The following CTNNA3 variants were observed in gnomAD, a reference collection of about 807,000 sequenced individuals.
CTNNA3 encodes the protein catenin alpha-3.
A neutral mutation model predicts 95.7 loss-of-function variants in CTNNA3; 76 were observed. The observed-to-expected ratio is 0.79, with a 90% CI of 0.66 to 0.96. The LOEUF (loss-of-function observed/expected upper bound fraction) is 0.96. Ranked by LOEUF, CTNNA3 falls within the 40% of genes least tolerant of loss-of-function variation. The pLI, the probability that CTNNA3 is intolerant of heterozygous loss-of-function variation, is 0.00. For missense variants in CTNNA3, 1,191 were observed against 1,089.8 expected, an observed-to-expected ratio of 1.09 and a Z score of -1.31; for synonymous variants, 431 against 374.4, an observed-to-expected ratio of 1.15 and a Z score of -1.74.
chr10:67,327,505 C>G (rs1034250233), intron 5 of CTNNA3, among the ~76,000 whole-genome samples: 6 of 152,206 alleles, frequency 3.9e-5, no homozygotes, highest in African/African-American at 1.4e-4. Flanking sequence ...CAATGCTTAG[C>G]TCCCAACTCC....
At chr10:66,428,397 G>C (rs1448865271) in intron 11 of CTNNA3, among the ~76,000 whole-genome samples, 2 of 152,108 alleles carry the variant, frequency 1.3e-5, no homozygotes, top group South Asian at 2.1e-4. Context: ...TCTGCACCAA[G>C]CAGACCTAAT....
intron 7 of CTNNA3, among the ~76,000 whole-genome samples, chr10:66,908,223 T>C (rs748821027): frequency 9.2e-5 from 14 of 152,236 alleles, no homozygotes; most frequent in Non-Finnish European, 1.9e-4. Context: ...TGTTATGAGA[T>C]GAAAACTTTG....
At chr10:66,405,812 A>C (rs2093052794) in intron 11 of CTNNA3, among the ~76,000 whole-genome samples, 1 of 152,138 alleles carries the variant, frequency 6.6e-6, no homozygotes, top group South Asian at 2.1e-4. Flanking sequence ...ACAGATTTCA[A>C]ACTAAACCTC....
At chr10:67,647,562 T>A (rs1313935900) in intron 1 of CTNNA3, 44 bp from the exon 2 acceptor site, 3 of 1,499,802 alleles carry the variant, frequency 2.0e-6, no homozygotes, top group Non-Finnish European at 2.8e-6. Flanking sequence ...AAGAAAACTG[T>A]TTTCTAAAGA....
At chr10:67,481,410 G>A (rs1848222964) in intron 5 of CTNNA3, among the ~76,000 whole-genome samples, 1 of 152,102 alleles carries the variant, frequency 6.6e-6, no homozygotes, top group Non-Finnish European at 1.5e-5. Flanking sequence ...TCCTGAAACA[G>A]ATAAACAACT....
chr10:67,457,337 C>T (rs1589309581), intron 5 of CTNNA3, among the ~76,000 whole-genome samples: 1 of 152,070 alleles, frequency 6.6e-6, no homozygotes, highest in Admixed American at 6.6e-5. Flanking sequence ...GAGCCCAGGG[C>T]CTGCCAAGGA....
intron 7 of CTNNA3, among the ~76,000 whole-genome samples, chr10:67,117,389 T>C (rs756759657): frequency 6.6e-6 from 1 of 152,064 alleles, no homozygotes; most frequent in Non-Finnish European, 1.5e-5. Flanking sequence ...TTCCCTTTCC[T>C]GTTCCAGTTT....
intron 1 of CTNNA3, among the ~76,000 whole-genome samples, chr10:67,738,587 G>A (rs1280465487): frequency 2.0e-5 from 3 of 152,034 alleles, no homozygotes; most frequent in African/African-American, 7.2e-5. Context: ...AAGCTGGGGG[G>A]AGAATGACTT....
At chr10:66,819,362 G>A (rs1044620579) in intron 7 of CTNNA3, among the ~76,000 whole-genome samples, 3 of 151,946 alleles carry the variant, frequency 2.0e-5, no homozygotes, top group African/African-American at 7.2e-5. Flanking sequence ...AAGATCTAAA[G>A]GTAACTAGTG....
intron 7 of CTNNA3, among the ~76,000 whole-genome samples, chr10:66,951,514 C>G (rs1174890854): frequency 1.3e-5 from 2 of 152,146 alleles, no homozygotes; most frequent in Non-Finnish European, 2.9e-5. Flanking sequence ...GAGATAGGTA[C>G]TGTTTACTCA....
chr10:66,644,272 G>A (rs1001429633), intron 9 of CTNNA3, among the ~76,000 whole-genome samples: 1 of 103,050 alleles, frequency 9.7e-6, no homozygotes, highest in Admixed American at 1.0e-4. Context: ...CTGTCTGTCT[G>A]TCTGTCTGTC....
chr10:66,362,291 TGG>T (rs1194512521), intron 12 of CTNNA3, among the ~76,000 whole-genome samples: 1 of 151,482 alleles, frequency 6.6e-6, no homozygotes, highest in African/African-American at 2.4e-5. Flanking sequence ...TTAGTAGAGA[TGG>T]GGTTTCACCA....
Position 66,935,730 on chromosome 10 carries a change from T to C in CTNNA3, c.1048-160206A>G, listed in dbSNP as rs978920378. ...TTATTATGTACCAGGAATTTGTATA[T>C]ATTATCTAATGATTTGATAAAAAGT... On this transcript the variant is annotated intron_variant, in intron 7 of 17. Coordinates refer to ENST00000433211, the MANE Select transcript of CTNNA3 (RefSeq NM_013266.4). Among the ~76,000 whole-genome samples the C allele has an allele frequency of 5.3e-5, 8 of 152,014 alleles. No homozygotes were observed. The East Asian group carries it at 1.5e-3, about 29-fold the overall frequency.
chr10:67,450,679 G>C (rs1321729797), intron 5 of CTNNA3, among the ~76,000 whole-genome samples: 1 of 151,774 alleles, frequency 6.6e-6, no homozygotes, highest in African/African-American at 2.4e-5. Flanking sequence ...TAACTATTGG[G>C]TACTAGGCTT....
chr10:66,068,542 G>T (rs537050798), intron 15 of CTNNA3, among the ~76,000 whole-genome samples: 87 of 152,094 alleles, frequency 5.7e-4, no homozygotes, highest in Admixed American at 1.8e-3. Context: ...GTTATTTTGG[G>T]GTATAAATGA....
At chr10:67,728,566 CCA>C (rs1841257714) in intron 1 of CTNNA3, among the ~76,000 whole-genome samples, 2 of 151,604 alleles carry the variant, frequency 1.3e-5, no homozygotes, top group Non-Finnish European at 2.9e-5. Flanking sequence ...TCAAGCGATT[CCA>C]GGTGATGTCA....
intron 2 of CTNNA3, among the ~76,000 whole-genome samples, chr10:67,620,919 GTGTGTATA>G (rs963878282): frequency 1.9e-4 from 19 of 100,162 alleles, no homozygotes; most frequent in African/African-American, 6.3e-4. Flanking sequence ...GTGTGTGTGT[GTGTGTATA>G]TATATATATA....
Position 66,243,890 on chromosome 10 carries a change from C to T in CTNNA3, c.1884+36580G>A, listed in dbSNP as rs536097773. On this transcript the variant is annotated intron_variant, in intron 13 of 17. Coordinates refer to ENST00000433211, the MANE Select transcript of CTNNA3 (RefSeq NM_013266.4). ...ATGGACCTTGGGTGAGACTTTGAGACATGCTGGCTTCAGGTACTAGCTCAG... is the reference window on the plus strand; with the variant it reads ...ATGGACCTTGGGTGAGACTTTGAGATATGCTGGCTTCAGGTACTAGCTCAG... Among the ~76,000 whole-genome samples, 6 of 152,226 alleles carry T rather than the reference C, an allele frequency of 3.9e-5. No individual in the cohort carries two copies. In the East Asian group the frequency reaches 5.8e-4, roughly 15 times the overall value.
At position 67,539,604 on chromosome 10, in the gene CTNNA3, C is replaced by T. The variant is rs1294570808; in HGVS notation, c.358G>A (p.Ala120Thr). ...DDPCFLPKRE[A>T]VVQAARALLA... Reference sequence around the variant, plus strand: ...AAGGCACGGGCAGCTTGAACCACAGCCTCCCTTTTTGGGAGAAAACAGGGG... The same window carrying T: ...AAGGCACGGGCAGCTTGAACCACAGTCTCCCTTTTTGGGAGAAAACAGGGG... Residue 120 changes from alanine (A) to threonine (T), a missense_variant, in exon 4 of 18, where the codon GCT becomes ACT. Coordinates refer to ENST00000433211, the MANE Select transcript of CTNNA3 (RefSeq NM_013266.4). 3 of 1,613,822 alleles carry T rather than the reference C, an allele frequency of 1.9e-6. No individual in the cohort carries two copies. Among genetic ancestry groups the T allele is most frequent in the Non-Finnish European group, 1.7e-6 (2 of 1,179,814 alleles).
Sources: allele counts gnomAD v4.1 joint callset (sites outside exome capture counted in the v4.1 genomes callset), GRCh38; gene constraint gnomAD v4.1.1; transcripts MANE v1.5; gene names NCBI Gene and HGNC (gene_info 2026-07-23, HGNC 2026-07-21).